The following CACNA1E variants were observed in gnomAD, a reference collection of about 807,000 sequenced individuals.
CACNA1E encodes calcium voltage-gated channel subunit alpha1 E, also known as voltage-dependent R-type calcium channel subunit alpha-1E.
In CACNA1E, 40 loss-of-function variants were observed where a neutral mutation model predicts 259.2. The observed-to-expected ratio is 0.15, with a 90% confidence interval of 0.12 to 0.20. The LOEUF (loss-of-function observed/expected upper bound fraction) is 0.20. Among genes scored for constraint, CACNA1E ranks in the 10% least tolerant of loss-of-function variants. CACNA1E has a pLI of 1.00. For synonymous variants in CACNA1E, 1,104 were observed against 1,138.5 expected, an observed-to-expected ratio of 0.97 and a Z score of 0.61; for missense variants, 1,874 against 3,040.1, an observed-to-expected ratio of 0.62 and a Z score of 9.02.
chr1:181,484,090 AT>A, intron 1 of CACNA1E, 80 bp downstream of exon 1: 1 of 1,384,544 alleles, frequency 7.2e-7, no homozygotes, highest in Non-Finnish European at 1.0e-6. Context: ...CATGGAATGT[AT>A]CCCCCACCCC....
At chr1:181,411,462 T>A (rs1441535851) in intron 1 of CACNA1E, among the ~76,000 whole-genome samples, 1 of 151,966 alleles carries the variant, frequency 6.6e-6, no homozygotes, top group Non-Finnish European at 1.5e-5. Flanking sequence ...AATCCTTTGG[T>A]TTCCCTAAAT....
intron 2 of CACNA1E, among the ~76,000 whole-genome samples, chr1:181,435,098 A>T (rs12405983): frequency 6.6e-6 from 1 of 152,172 alleles, no homozygotes; most frequent in African/African-American, 2.4e-5. Flanking sequence ...TCAAAAGATC[A>T]TAAGTCAAAC....
chr1:181,510,878 G>A (rs1666107785), intron 2 of CACNA1E, among the ~76,000 whole-genome samples: 1 of 152,246 alleles, frequency 6.6e-6, no homozygotes, highest in African/African-American at 2.4e-5. Flanking sequence ...GTGGGGAGTA[G>A]AGGGGAGAGG....
chr1:181,717,346 G>A (rs1653992330), intron 11 of CACNA1E, 44 bp downstream of exon 11: 3 of 1,520,418 alleles, frequency 2.0e-6, no homozygotes, highest in African/African-American at 1.4e-5. Context: ...TGGTCCCCAT[G>A]TGGGGCAGCT....
intron 21 of CACNA1E, 24 bp downstream of exon 21, chr1:181,733,774 C>T (rs759993892): frequency 3.4e-6 from 5 of 1,475,064 alleles, no homozygotes; most frequent in Middle Eastern, 1.8e-4. Flanking sequence ...CCCTGTTCCC[C>T]TCCACCCCCA....
chr1:181,380,206 A>G (rs1212051804), intron 1 of CACNA1E, among the ~76,000 whole-genome samples: 1 of 151,906 alleles, frequency 6.6e-6, no homozygotes, highest in Non-Finnish European at 1.5e-5. Flanking sequence ...TGAAAGAGGC[A>G]TTGTCAGATT....
At position 181,680,780 on chromosome 1, in the gene CACNA1E, T is replaced by C. The variant is rs546841437; in HGVS notation, c.1055+29339T>C. On this transcript the variant is annotated intron_variant, in intron 7 of 47. Transcript: ENST00000367573. ...GCGCTTGAAAACGTTGGCCAGTTCC[T>C]TGAGACCTTCCTTCTCCCCTAGATT... 7.2e-5 allele frequency among the ~76,000 whole-genome samples: 11 copies of C among 152,294 alleles called. No individual in the cohort carries two copies. The South Asian group carries it at 2.1e-3, about 29-fold the overall frequency.
chr1:181,545,996 A>G (rs1191553476), intron 3 of CACNA1E, among the ~76,000 whole-genome samples: 1 of 151,926 alleles, frequency 6.6e-6, no homozygotes, highest in Admixed American at 6.6e-5. Context: ...CCATCCTGAG[A>G]TGTGGGGAGA....
chr1:181,380,788 A>T (rs1299172986), intron 1 of CACNA1E, among the ~76,000 whole-genome samples: 1 of 152,192 alleles, frequency 6.6e-6, no homozygotes, highest in Admixed American at 6.5e-5. Context: ...AAAACAGTTT[A>T]GCAGTTTAAA....
chr1:181,792,300 AT>A (rs1661391940), intron 44 of CACNA1E, among the ~76,000 whole-genome samples: 1 of 152,144 alleles, frequency 6.6e-6, no homozygotes, highest in Non-Finnish European at 1.5e-5. Context: ...TGTTCATCTC[AT>A]TGTCAGTACC....
intron 6 of CACNA1E, among the ~76,000 whole-genome samples, chr1:181,614,293 A>G (rs77033125): frequency 7.9e-4 from 121 of 152,248 alleles, no homozygotes; most frequent in African/African-American, 2.8e-3. Flanking sequence ...GCCTCAATTT[A>G]TGGCAAATAT....
At chr1:181,345,135 C>T (rs1421911455) in intron 1 of CACNA1E, among the ~76,000 whole-genome samples, 2 of 152,248 alleles carry the variant, frequency 1.3e-5, no homozygotes, top group African/African-American at 4.8e-5. Context: ...AGCCTGGGTG[C>T]CTCCTTCAGC....
In CACNA1E at chr1:181,758,746, T is replaced by G. The variant is rs373657802; in HGVS notation, c.4495-12T>G. 4 of 1,431,918 alleles carry G rather than the reference T, an allele frequency of 2.8e-6. No individual in the cohort carries two copies. Among genetic ancestry groups the G allele is most frequent in the Non-Finnish European group, 2.9e-6 (3 of 1,019,992 alleles). The allele number at this position is 1,431,918 out of a possible 1,614,324, so 88.7% of individuals were successfully genotyped here. On this transcript the variant is annotated splice_polypyrimidine_tract_variant and intron_variant, in intron 31 of 47. Coordinates refer to ENST00000367573, the MANE Select transcript of CACNA1E (RefSeq NM_001205293.3). This position sits in a 1 kb window ranked among gnomAD's most constrained non-coding sequence, Gnocchi z 4.2. Reference sequence around the variant, plus strand: ...CTGTGATTCTTTCTCTCTTCTTTTTTCTTCCTGGCAGTATTATTCTGCTCC... The same window carrying G: ...CTGTGATTCTTTCTCTCTTCTTTTTGCTTCCTGGCAGTATTATTCTGCTCC...
Position 181,803,542 on chromosome 1 carries a change from C to T in CACNA1E, c.*4708C>T, listed in dbSNP as rs1488081769. On this transcript the variant is annotated 3_prime_UTR_variant, in exon 48 of 48. Coordinates refer to ENST00000367573, the MANE Select transcript of CACNA1E (RefSeq NM_001205293.3). ...CTGTACATCATAGCCAGGTCTACCC[C>T]AAATAGAGCAGCAGCTGATGGCTTC... The T allele has an allele frequency of 6.6e-6, 1 of 152,134 alleles. No homozygotes were observed. Among genetic ancestry groups the T allele is most frequent in the African/African-American group, 2.4e-5 (1 of 41,424 alleles). 9.4% of individuals were successfully genotyped at this position (152,134 alleles called of 1,614,324 possible).
At chr1:181,386,161 T>G (rs893714815) in intron 1 of CACNA1E, among the ~76,000 whole-genome samples, 8 of 152,164 alleles carry the variant, frequency 5.3e-5, no homozygotes, top group Non-Finnish European at 1.0e-4. Flanking sequence ...GAACAACTGA[T>G]AGTGGGGCTC....
Position 181,757,084 on chromosome 1 carries a change from A to G in CACNA1E, c.4287A>G (p.Gln1429=), listed in dbSNP as rs534133872. ...TCATCATCATCACCTTCCAGGAGCA[A>G]GGGGATAAGATGATGGAGGAGTGCA... is the stretch of plus-strand genomic sequence containing the variant. ...VALIIITFQE[Q]GDKMMEECSL... is the part of the protein sequence containing the mutation. Residue 1429 remains glutamine, a synonymous_variant, in exon 30 of 48, where the codon CAA becomes CAG. Transcript: ENST00000367573. 2.4e-4 allele frequency: 391 copies of G among 1,613,902 alleles called. 3 individuals carry two copies. The South Asian group carries it at 4.1e-3, about 17-fold the overall frequency.
intron 17 of CACNA1E, among the ~76,000 whole-genome samples, chr1:181,724,873 T>G (rs1048883134): frequency 6.6e-6 from 1 of 152,262 alleles, no homozygotes; most frequent in African/African-American, 2.4e-5. Context: ...CCTCTGCTAC[T>G]GCAACCTGCG....
At chr1:181,774,507 C>CTGTT (rs1196778521) in intron 37 of CACNA1E, among the ~76,000 whole-genome samples, 4 of 152,210 alleles carry the variant, frequency 2.6e-5, no homozygotes, top group Admixed American at 2.6e-4. Flanking sequence ...GGCAGGCAGT[C>CTGTT]TGTTTATGGT....
chr1:181,361,836 C>T (rs1219994832), intron 1 of CACNA1E, among the ~76,000 whole-genome samples: 3 of 152,196 alleles, frequency 2.0e-5, no homozygotes, highest in African/African-American at 7.2e-5. Flanking sequence ...TCAGTTTCCA[C>T]ATCTATAAAT....
Sources: allele counts gnomAD v4.1 joint callset (sites outside exome capture counted in the v4.1 genomes callset), GRCh38; gene constraint gnomAD v4.1.1; non-coding constraint Gnocchi (gnomAD v3.1); transcripts MANE v1.5; gene names NCBI Gene and HGNC (gene_info 2026-07-23, HGNC 2026-07-21).